Variants in THRAP3 observed in about 807,000 individuals in gnomAD.
The protein encoded by THRAP3 is thyroid hormone receptor-associated protein 3.
In THRAP3, 16 loss-of-function variants were observed where a neutral mutation model predicts 101.0. That is an observed-to-expected ratio of 0.16 (90% CI 0.11 to 0.24). The LOEUF is 0.24. Among genes scored for constraint, THRAP3 ranks in the 10% least tolerant of loss-of-function variants. THRAP3 has a pLI of 1.00. For missense variants in THRAP3, 989 were observed against 1,202.7 expected, an observed-to-expected ratio of 0.82 and a Z score of 2.63; for synonymous variants, 407 against 422.6, an observed-to-expected ratio of 0.96 and a Z score of 0.45.
upstream of THRAP3, among the ~76,000 whole-genome samples, chr1:36,222,784 T>A (rs1382874383): frequency 2.0e-5 from 3 of 152,218 alleles, 1 homozygote; most frequent in Non-Finnish European, 4.4e-5. Flanking sequence ...GTGTTCCCAG[T>A]ATTTTACACT....
At position 36,305,287 on chromosome 1, in the gene THRAP3, A is replaced by G. The variant is rs374986866; in HGVS notation, c.*1270A>G. On this transcript the variant is annotated 3_prime_UTR_variant, in exon 12 of 12. Coordinates refer to ENST00000354618, the MANE Select transcript of THRAP3 (RefSeq NM_005119.4). ...CTTGAATGATTCATGTTTAGGGGGA[A>G]AATGAAAATCTCCCTTAAAATTTGT... 2.5e-5 allele frequency: 5 copies of G among 201,296 alleles called. No homozygotes were observed. The allele number at this position is 201,296 out of a possible 1,614,324, so 12.5% of individuals were successfully genotyped here. A position where few individuals can be genotyped will look rare whatever the true frequency, so the allele number is the denominator to read the frequency against.
intron 2 of THRAP3, among the ~76,000 whole-genome samples, chr1:36,282,257 G>A (rs764982339): frequency 1.3e-4 from 20 of 150,706 alleles, no homozygotes; most frequent in Non-Finnish European, 2.2e-4. Flanking sequence ...TTTGGAGATA[G>A]GGTATTGCTC....
chr1:36,232,697 C>T (rs1645041263), intron 1 of THRAP3, among the ~76,000 whole-genome samples: 1 of 152,076 alleles, frequency 6.6e-6, no homozygotes, highest in African/African-American at 2.4e-5. Flanking sequence ...CTGAAGTGCT[C>T]CCATTGTCAA....
chr1:36,261,901 G>A (rs1645450860), intron 2 of THRAP3, among the ~76,000 whole-genome samples: 1 of 152,110 alleles, frequency 6.6e-6, no homozygotes, highest in African/African-American at 2.4e-5. Flanking sequence ...TACTGCAACA[G>A]GAAAGGCTTA....
At chr1:36,237,117 G>A (rs1335511661) in intron 1 of THRAP3, among the ~76,000 whole-genome samples, 2 of 151,102 alleles carry the variant, frequency 1.3e-5, no homozygotes, top group Non-Finnish European at 2.9e-5. Flanking sequence ...TGGAGGTTGC[G>A]TGCCATTGCA....
intron 6 of THRAP3, among the ~76,000 whole-genome samples, chr1:36,292,316 G>T (rs1645886130): frequency 8.5e-6 from 1 of 117,480 alleles, no homozygotes; most frequent in Non-Finnish European, 1.6e-5. Flanking sequence ...CTGTTGCCCA[G>T]GCTGGAGTGC....
At chr1:36,252,151 G>A (rs1230284915) in intron 1 of THRAP3, among the ~76,000 whole-genome samples, 1 of 152,186 alleles carries the variant, frequency 6.6e-6, no homozygotes, top group African/African-American at 2.4e-5. Context: ...TTGAGACGGA[G>A]TTTTGCTCTT....
At chr1:36,209,398 T>C in the THRAP3 span, among the ~76,000 whole-genome samples, 1 of 152,198 alleles carries the variant, frequency 6.6e-6, no homozygotes, top group Non-Finnish European at 1.5e-5. Flanking sequence ...TTGTGAGGGA[T>C]TTGTCTTGCG....
chr1:36,222,944 C>G (rs1260242657), upstream of THRAP3, among the ~76,000 whole-genome samples: 1 of 151,824 alleles, frequency 6.6e-6, no homozygotes, highest in South Asian at 2.1e-4. Flanking sequence ...GCTTGGCCAA[C>G]GTGGCGAAAC....
At chr1:36,267,130 C>T (rs1030383414) in intron 2 of THRAP3, among the ~76,000 whole-genome samples, 30 of 152,024 alleles carry the variant, frequency 2.0e-4, no homozygotes, top group African/African-American at 5.8e-4. Context: ...GTGATCCACC[C>T]GCCTCGGCCT....
At chr1:36,239,349 G>A (rs1038326031) in intron 1 of THRAP3, among the ~76,000 whole-genome samples, 17 of 140,556 alleles carry the variant, frequency 1.2e-4, no homozygotes, top group African/African-American at 5.4e-5. Context: ...AACCTCCGCC[G>A]CCCCTGCACC....
the THRAP3 span, among the ~76,000 whole-genome samples, chr1:36,211,050 T>TA: frequency 7.4e-5 from 11 of 148,900 alleles, no homozygotes; most frequent in Non-Finnish European, 1.2e-4. Flanking sequence ...TCTCTCCACA[T>TA]AAAAAAAAAT....
chr1:36,216,040 C>T, the THRAP3 span, among the ~76,000 whole-genome samples: 2 of 151,986 alleles, frequency 1.3e-5, no homozygotes, highest in Admixed American at 6.6e-5. Flanking sequence ...TAAGCCACAG[C>T]GCCCAGCCAA....
At chr1:36,233,552 G>A (rs1172025288) in intron 1 of THRAP3, among the ~76,000 whole-genome samples, 1 of 151,060 alleles carries the variant, frequency 6.6e-6, no homozygotes, top group African/African-American at 2.4e-5. Flanking sequence ...GGGCACAGTG[G>A]CTCATAGCCT....
At position 36,274,355 on chromosome 1, in the gene THRAP3, C is replaced by G. The variant is rs187043761; in HGVS notation, c.-31-8178C>G. Among the ~76,000 whole-genome samples the G allele has an allele frequency of 1.4e-4, 22 of 152,200 alleles. No individual in the cohort carries two copies. The East Asian group carries it at 3.5e-3, about 24-fold the overall frequency. On this transcript the variant is annotated intron_variant, in intron 2 of 11. Coordinates refer to ENST00000354618, the MANE Select transcript of THRAP3 (RefSeq NM_005119.4). Reference sequence around the variant, plus strand: ...AGATGGCAGTATTCTCCAAATTGATCTACAGATTCAGCACACACACTGTCA... The same window carrying G: ...AGATGGCAGTATTCTCCAAATTGATGTACAGATTCAGCACACACACTGTCA...
At chr1:36,292,264 C>CTTTTTTTTTTTTTTTT (rs774003081) in intron 6 of THRAP3, among the ~76,000 whole-genome samples, 8 of 20,562 alleles carry the variant, frequency 3.9e-4, no homozygotes, top group African/African-American at 9.9e-4. Flanking sequence ...TTCTTTGTTT[C>CTTTTTTTTTTTTTTTT]TTTTTTTTTT....
chr1:36,249,470 C>T (rs1395540834), intron 1 of THRAP3, among the ~76,000 whole-genome samples: 3 of 151,934 alleles, frequency 2.0e-5, no homozygotes, highest in Admixed American at 2.0e-4. Flanking sequence ...AGATTACAGG[C>T]GTGAGCCACT....
chr1:36,303,907 C>T lies in THRAP3; in HGVS notation c.2758C>T (p.Pro920Ser), dbSNP rs1481613246. The change falls in exon 12 of 12, where the codon CCC becomes TCC. Residue 920 changes from proline to serine, a missense_variant. Pro to Ser is a moderately conservative substitution (Grantham distance 74). Transcript: ENST00000354618. ...CATGTTCCGGAAATCAAGTACCAGC[C>T]CCAAGTGGGCCCATGACAAGTTCAG... ...RFMFRKSSTS[P>S]KWAHDKFSGE... 1 of 1,613,586 alleles carries T rather than the reference C, an allele frequency of 6.2e-7. No individual in the cohort carries two copies. Among genetic ancestry groups the T allele is most frequent in the Non-Finnish European group, 8.5e-7 (1 of 1,179,826 alleles).
chr1:36,269,729 C>A (rs1027426279), intron 2 of THRAP3, among the ~76,000 whole-genome samples: 1 of 151,640 alleles, frequency 6.6e-6, no homozygotes, highest in South Asian at 2.1e-4. Flanking sequence ...CACCATCATG[C>A]CCAGCTAATT....
Sources: allele counts gnomAD v4.1 joint callset (sites outside exome capture counted in the v4.1 genomes callset), GRCh38; gene constraint gnomAD v4.1.1; transcripts MANE v1.5; gene names NCBI Gene and HGNC (gene_info 2026-07-23, HGNC 2026-07-21).